ADAMTS4: variants seen among roughly 807,000 people sequenced by gnomAD.
ADAMTS4 encodes ADAM metallopeptidase with thrombospondin type 1 motif 4.
ADAMTS4 carries 38 observed loss-of-function variants against 66.7 expected under a neutral mutation model. That is an observed-to-expected ratio of 0.57 (90% CI 0.44 to 0.75). The LOEUF (loss-of-function observed/expected upper bound fraction) is 0.75, where lower values mean the gene tolerates loss of function less well. ADAMTS4 is among the 30% of genes least tolerant of loss of function. The probability of loss-of-function intolerance (pLI) is 0.00; values close to 1 mark genes in which losing one functional copy is unlikely to be tolerated. For missense variants in ADAMTS4, 1,014 were observed against 1,116.7 expected (o/e 0.91, Z 1.31); for synonymous variants, 418 against 461.5 (o/e 0.91, Z 1.21).
chr1:161,189,478 T>C lies in ADAMTS4; in HGVS notation c.*1660A>G, dbSNP rs762361159. On this transcript the variant is annotated 3_prime_UTR_variant, in exon 9 of 9. Transcript: ENST00000367996. ...GTTATCCTGCACCTTCATGTTCTTG[T>C]CAATTGTATTTGTAGCCACGTGCTT... is the stretch of plus-strand genomic sequence containing the variant. 3.3e-5 allele frequency: 5 copies of C among 152,202 alleles called. No homozygotes were observed. The highest frequency in any genetic ancestry group is 7.3e-5 in the Non-Finnish European group (5 of 68,040). 9.4% of individuals were successfully genotyped at this position (152,202 alleles called of 1,614,324 possible). A position where few individuals can be genotyped will look rare whatever the true frequency, so the allele number is the denominator to read the frequency against.
intron 3 of ADAMTS4, chr1:161,195,903 C>G: frequency 3.6e-6 from 2 of 550,934 alleles, no homozygotes; most frequent in Non-Finnish European, 6.2e-6. Context: ...CACCCATTGT[C>G]TCTGACTCCC....
In ADAMTS4 at chr1:161,193,512, T is replaced by C. The variant is rs539133089; in HGVS notation, c.1736-124A>G. Reference sequence around the variant, plus strand: ...CTTCCCTGCAGACGGCCAAGGACAATTCCCAGAGGTTAAAGGCACTCCCCA... The same window carrying C: ...CTTCCCTGCAGACGGCCAAGGACAACTCCCAGAGGTTAAAGGCACTCCCCA... On this transcript the variant is annotated intron_variant, in intron 6 of 8. Transcript: ENST00000367996. This position sits in a 1 kb window ranked among gnomAD's most constrained non-coding sequence, Gnocchi z 4.4. 2 of 1,516,148 alleles carry C rather than the reference T, an allele frequency of 1.3e-6. No homozygotes were observed. The highest frequency in any genetic ancestry group is 1.3e-5 in the South Asian group (1 of 79,430). The allele number at this position is 1,516,148 out of a possible 1,614,324, so 93.9% of individuals were successfully genotyped here. A position where few individuals can be genotyped will look rare whatever the true frequency, so the allele number is the denominator to read the frequency against.
intron 1 of ADAMTS4, chr1:161,197,178 G>A (rs905440954): frequency 6.4e-5 from 23 of 357,478 alleles, no homozygotes; most frequent in South Asian, 2.0e-4. Context: ...CTGGACTGCC[G>A]TCAGGAGGGA....
rs1403327956 is a variant in ADAMTS4 at position 161,198,423 on chromosome 1, C to G, written c.205G>C (p.Gly69Arg). The change falls in exon 1 of 9, where the codon GGC becomes CGC. Residue 69 changes from glycine to arginine, a missense_variant. Transcript: ENST00000367996. This position sits in a 1 kb window ranked among gnomAD's most constrained non-coding sequence, Gnocchi z 4.7. Reference sequence around the variant, plus strand: ...GCGCCCGAGCCAGGCAGGACGCTGCCGTTGAGCTTCTCTGGAAACACGATC... The same window carrying G: ...GCGCCCGAGCCAGGCAGGACGCTGCGGTTGAGCTTCTCTGGAAACACGATC... ...EEIVFPEKLN[G>R]SVLPGSGAPA... 4 of 1,597,036 alleles carry G rather than the reference C, an allele frequency of 2.5e-6. No individual in the cohort carries two copies. Among genetic ancestry groups the G allele is most frequent in the Admixed American group, 1.8e-5 (1 of 57,120 alleles).
chr1:161,196,019 T>C (rs1205489281), intron 3 of ADAMTS4, 152 bp downstream of exon 3: 20 of 926,698 alleles, frequency 2.2e-5, no homozygotes, highest in Non-Finnish European at 6.3e-6. Flanking sequence ...AATGTAAATG[T>C]ATGTCTACAC....
In ADAMTS4 at chr1:161,196,974, TC is replaced by T; in HGVS notation, c.634-95del. ...ATCCCTCACTTCCTGGGTCTGGAAC[TC>T]AGCATAGTCAGCTGGGCCCCACACA... On this transcript the variant is annotated intron_variant, in intron 1 of 8. Transcript: ENST00000367996. 4 of 1,178,002 alleles carry T rather than the reference TC, an allele frequency of 3.4e-6. 1 individual carries two copies. The South Asian group carries it at 5.9e-5, about 17-fold the overall frequency. 73.0% of individuals were successfully genotyped at this position (1,178,002 alleles called of 1,614,324 possible). A position where few individuals can be genotyped will look rare whatever the true frequency, so the allele number is the denominator to read the frequency against.
In ADAMTS4 at chr1:161,192,203, G is replaced by C; in HGVS notation, c.1949C>G (p.Ser650Trp). The change falls in exon 8 of 9, where the codon TCG becomes TGG. Residue 650 changes from serine to tryptophan, a missense_variant. Coordinates refer to ENST00000367996, the MANE Select transcript of ADAMTS4 (RefSeq NM_005099.6). ...GATGCATCGGCCCTGGACACAGACC[G>C]AGGAGCTGTCCGGGGAACAGGGGGT... ...DGTPCSPDSS[S>W]VCVQGRCIHA... The C allele has an allele frequency of 6.2e-7, 1 of 1,614,094 alleles. No individual in the cohort carries two copies. Among genetic ancestry groups the C allele is most frequent in the Non-Finnish European group, 8.5e-7 (1 of 1,180,020 alleles).
In ADAMTS4 at chr1:161,185,807, C is replaced by T. The variant is rs1664532326; in HGVS notation, c.*5331G>A. On this transcript the variant is annotated 3_prime_UTR_variant, in exon 9 of 9. Coordinates refer to ENST00000367996, the MANE Select transcript of ADAMTS4 (RefSeq NM_005099.6). ...GCACACTCCAGGAACCCTGGCTGTC[C>T]CACCTCCATTACAAAAATAGTGGCT... The T allele has an allele frequency of 1.3e-5, 2 of 152,160 alleles. No homozygotes were observed. 9.4% of individuals were successfully genotyped at this position (152,160 alleles called of 1,614,324 possible).
rs1007379945 is a variant in ADAMTS4 at position 161,194,120 on chromosome 1, G to A, written c.1363C>T (p.Pro455Ser). Reference sequence around the variant, plus strand: ...AGCTGTGGACAATGGCGTGAGTCGGGCCCGAAGGTCAGCTGGCACTGGCGG... The same window carrying A: ...AGCTGTGGACAATGGCGTGAGTCGGACCCGAAGGTCAGCTGGCACTGGCGG... The part of the protein sequence containing the change: ...ADRQCQLTFG[P>S]DSRHCPQLPP... The change falls in exon 5 of 9, where the codon CCC (proline) becomes TCC (serine). Residue 455 changes from proline to serine, a missense_variant. Physicochemically the swap from Pro to Ser is moderately conservative, Grantham distance 74 (BLOSUM62 -1). Coordinates refer to ENST00000367996, the MANE Select transcript of ADAMTS4 (RefSeq NM_005099.6). This position sits in a 1 kb window ranked among gnomAD's most constrained non-coding sequence, Gnocchi z 4.1. 7 of 1,614,112 alleles carry A rather than the reference G, an allele frequency of 4.3e-6. No individual in the cohort carries two copies. The highest frequency in any genetic ancestry group is 2.7e-5 in the African/African-American group (2 of 74,942).
rs768142291 is a variant in ADAMTS4, at chr1:161,193,166, G to A, written c.1911+47C>T. The stretch of plus-strand genomic sequence containing the variant: ...TATCAGAAAGCAGAGGGAGCACTGC[G>A]GGTGTGTGTGACCATAGACAGGGCC... On this transcript the variant is annotated intron_variant, in intron 7 of 8. Coordinates refer to ENST00000367996, the MANE Select transcript of ADAMTS4 (RefSeq NM_005099.6). This position sits in a 1 kb window ranked among gnomAD's most constrained non-coding sequence, Gnocchi z 4.4. 1.0e-5 allele frequency: 16 copies of A among 1,568,622 alleles called. No individual in the cohort carries two copies. Among genetic ancestry groups the A allele is most frequent in the East Asian group, 4.6e-5 (2 of 43,654 alleles).
At position 161,194,089 on chromosome 1, in the gene ADAMTS4, G is replaced by A. The variant is rs115956210; in HGVS notation, c.1394C>T (p.Pro465Leu). ...AGAGCACCAGAGGGCAGCACAGGGCGGCGGCAGCTGTGGACAATGGCGTGA... is the reference window on the plus strand; with the variant it reads ...AGAGCACCAGAGGGCAGCACAGGGCAGCGGCAGCTGTGGACAATGGCGTGA... ...PDSRHCPQLP[P>L]PCAALWCSGH... The change falls in exon 5 of 9, where the codon CCG becomes CTG. Residue 465 changes from proline to leucine, a missense_variant. Physicochemically the swap from Pro to Leu is moderately conservative, Grantham distance 98. Transcript: ENST00000367996. This position sits in a 1 kb window ranked among gnomAD's most constrained non-coding sequence, Gnocchi z 4.1. The A allele has an allele frequency of 1.9e-5, 30 of 1,614,242 alleles. No individual in the cohort carries two copies. In the East Asian group the frequency reaches 2.9e-4, roughly 16 times the overall value.
In ADAMTS4 at chr1:161,188,879, G is replaced by A. The variant is rs1172069722; in HGVS notation, c.*2259C>T. On this transcript the variant is annotated 3_prime_UTR_variant, in exon 9 of 9. Coordinates refer to ENST00000367996, the MANE Select transcript of ADAMTS4 (RefSeq NM_005099.6). ...ACTATAGGCACCTGTCACCATGCCC[G>A]GCTAATATATATATATATATATATA... 8.3e-5 allele frequency: 4 copies of A among 48,184 alleles called. No homozygotes were observed. Among genetic ancestry groups the A allele is most frequent in the Admixed American group, 2.6e-4 (1 of 3,902 alleles). The allele number at this position is 48,184 out of a possible 1,614,324, so 3.0% of individuals were successfully genotyped here.
chr1:161,190,107 CT>C lies in ADAMTS4; in HGVS notation c.*1030del. On this transcript the variant is annotated 3_prime_UTR_variant, in exon 9 of 9. Transcript: ENST00000367996. Reference sequence around the variant, plus strand: ...GTGGCTCACGCCTGTAATCCCAGCACTTTGGGAGATGAAGGCGAGTGGATCA... The same window carrying C: ...GTGGCTCACGCCTGTAATCCCAGCACTTGGGAGATGAAGGCGAGTGGATCA... The C allele has an allele frequency of 6.6e-6, 1 of 152,162 alleles. No individual in the cohort carries two copies. The highest frequency in any genetic ancestry group is 1.9e-4 in the East Asian group (1 of 5,194). The allele number at this position is 152,162 out of a possible 1,614,324, so 9.4% of individuals were successfully genotyped here. A position where few individuals can be genotyped will look rare whatever the true frequency, so the allele number is the denominator to read the frequency against.
intron 4 of ADAMTS4, 78 bp downstream of exon 4, chr1:161,195,387 G>A: frequency 6.8e-7 from 1 of 1,464,784 alleles, no homozygotes; most frequent in South Asian, 1.3e-5. Context: ...GGTCCATGCA[G>A]AATGCAGCGG....
chr1:161,195,729 G>T, intron 3 of ADAMTS4, 94 bp from the exon 4 acceptor site: 1 of 1,276,252 alleles, frequency 7.8e-7, no homozygotes, highest in Non-Finnish European at 1.1e-6. Context: ...TGGATGATCA[G>T]ATCCATTACC....
rs774071976 is a variant in ADAMTS4 at position 161,198,445 on chromosome 1, G to C, written c.183C>G (p.Ile61Met). Residue 61 changes from isoleucine to methionine, a missense_variant, in exon 1 of 9, where the codon ATC becomes ATG. Physicochemically the swap from Ile to Met is conservative, Grantham distance 10. Coordinates refer to ENST00000367996, the MANE Select transcript of ADAMTS4 (RefSeq NM_005099.6). This position sits in a 1 kb window ranked among gnomAD's most constrained non-coding sequence, Gnocchi z 4.7. ...LASPLPREEE[I>M]VFPEKLNGSV... ...TGCCGTTGAGCTTCTCTGGAAACACGATCTCCTCCTCCCGGGGGAGGGGGC... is the reference window on the plus strand; with the variant it reads ...TGCCGTTGAGCTTCTCTGGAAACACCATCTCCTCCTCCCGGGGGAGGGGGC... 6.3e-6 allele frequency: 10 copies of C among 1,582,026 alleles called. No homozygotes were observed. Among genetic ancestry groups the C allele is most frequent in the Non-Finnish European group, 7.7e-6 (9 of 1,164,586 alleles).
At position 161,193,372 on chromosome 1, in the gene ADAMTS4, C is replaced by T; in HGVS notation, c.1752G>A (p.Glu584=). 1 of 1,613,772 alleles carries T rather than the reference C, an allele frequency of 6.2e-7. No individual in the cohort carries two copies. The highest frequency in any genetic ancestry group is 8.5e-7 in the Non-Finnish European group (1 of 1,179,870). Residue 584 remains glutamate, a synonymous_variant, in exon 7 of 9, where the codon GAG becomes GAA. Coordinates refer to ENST00000367996, the MANE Select transcript of ADAMTS4 (RefSeq NM_005099.6). This position sits in a 1 kb window ranked among gnomAD's most constrained non-coding sequence, Gnocchi z 4.4. ...GGTGGTTGTAGGCAGCACACTGCTC[C>T]TCGCGGAAGGTCAGGGCTGGAGGGG... is the stretch of plus-strand genomic sequence containing the variant. ...CPTGSALTFR[E]EQCAAYNHRT... is the part of the protein sequence containing the mutation.
chr1:161,197,926 G>A lies in ADAMTS4; in HGVS notation c.633+69C>T. On this transcript the variant is annotated intron_variant, in intron 1 of 8. Coordinates refer to ENST00000367996, the MANE Select transcript of ADAMTS4 (RefSeq NM_005099.6). ...AGAAGTGTAAGTGGGTGGAGAGAGG[G>A]TGAATAGGGGTCAGTAGGACAGACA... 2.0e-6 allele frequency: 3 copies of A among 1,509,978 alleles called. No individual in the cohort carries two copies. In the South Asian group the frequency reaches 4.0e-5, roughly 20 times the overall value. 93.5% of individuals were successfully genotyped at this position (1,509,978 alleles called of 1,614,324 possible). A position where few individuals can be genotyped will look rare whatever the true frequency, so the allele number is the denominator to read the frequency against.
chr1:161,191,685 G>T, intron 8 of ADAMTS4, 121 bp from the exon 9 acceptor site: 2 of 1,040,116 alleles, frequency 1.9e-6, no homozygotes, highest in Non-Finnish European at 1.4e-6. Flanking sequence ...AATCCTATGT[G>T]AGCTGTTCGG....
Sources: gnomAD v4.1 joint callset for allele counts on GRCh38, gnomAD v4.1.1 for gene constraint, Gnocchi (gnomAD v3.1) non-coding constraint, MANE v1.5 for transcripts, NCBI Gene and HGNC (gene_info 2026-07-23, HGNC 2026-07-21) for gene names.